YAF2: variants seen among roughly 807,000 people sequenced by gnomAD.
The protein encoded by YAF2 is YY1-associated factor 2.
YAF2 carries 7 observed loss-of-function variants against 20.1 expected under a neutral mutation model. The observed-to-expected ratio is 0.35, with a 90% CI of 0.20 to 0.65. The LOEUF (loss-of-function observed/expected upper bound fraction) is 0.65, where lower values mean the gene tolerates loss of function less well. Among genes scored for constraint, YAF2 ranks in the 30% least tolerant of loss-of-function variants. YAF2 has a pLI of 0.69. For missense variants in YAF2, 151 were observed against 219.2 expected (o/e 0.69, Z 1.96); for synonymous variants, 74 against 76.0 (o/e 0.97, Z 0.14).
At chr12:42,220,622 T>A (rs1441183829) in intron 2 of YAF2, among the ~76,000 whole-genome samples, 1 of 152,136 alleles carries the variant, frequency 6.6e-6, no homozygotes, top group Non-Finnish European at 1.5e-5. Context: ...ACCAAGAGCT[T>A]TACCTGTTGA....
Position 42,159,557 on chromosome 12 carries a change from A to T in YAF2, c.*1032T>A, listed in dbSNP as rs2065760281. 2.0e-5 allele frequency: 3 copies of T among 152,062 alleles called. No individual in the cohort carries two copies. Among genetic ancestry groups the T allele is most frequent in the Admixed American group, 2.0e-4 (3 of 15,264 alleles). 9.4% of individuals were successfully genotyped at this position (152,062 alleles called of 1,614,324 possible). A position where few individuals can be genotyped will look rare whatever the true frequency, so the allele number is the denominator to read the frequency against. ...TGGCAGCTGTGTCTGAAAATAGGGT[A>T]CTATGATTTTCATAAGAATTATTGT... is the stretch of plus-strand genomic sequence containing the variant. On this transcript the variant is annotated 3_prime_UTR_variant, in exon 4 of 4. Coordinates refer to ENST00000534854, the MANE Select transcript of YAF2 (RefSeq NM_005748.6).
chr12:42,188,941 G>A (rs1432249527), intron 2 of YAF2, among the ~76,000 whole-genome samples: 4 of 152,100 alleles, frequency 2.6e-5, no homozygotes, highest in African/African-American at 4.8e-5. Context: ...GACTCAGAAC[G>A]TAGTATACTT....
intron 2 of YAF2, chr12:42,210,401 C>T: frequency 1.3e-6 from 2 of 1,532,956 alleles, no homozygotes; most frequent in Non-Finnish European, 1.7e-6. Context: ...ACAGATCCAC[C>T]TCTCTTGCCC....
chr12:42,225,212 G>A (rs1031141876), intron 2 of YAF2, among the ~76,000 whole-genome samples: 3 of 152,016 alleles, frequency 2.0e-5, no homozygotes, highest in East Asian at 1.9e-4. Context: ...TTTTGATGGG[G>A]TTGTTTTTTT....
intron 2 of YAF2, among the ~76,000 whole-genome samples, chr12:42,194,039 T>A (rs1005597317): frequency 6.6e-6 from 1 of 152,212 alleles, no homozygotes; most frequent in African/African-American, 2.4e-5. Flanking sequence ...AGAAAATACC[T>A]GTATTTTTGT....
At position 42,159,909 on chromosome 12, in the gene YAF2, A is replaced by T. The variant is rs1054269469; in HGVS notation, c.*680T>A. 1.3e-5 allele frequency: 2 copies of T among 152,590 alleles called. No individual in the cohort carries two copies. Among genetic ancestry groups the T allele is most frequent in the Admixed American group, 1.3e-4 (2 of 15,274 alleles). 9.5% of individuals were successfully genotyped at this position (152,590 alleles called of 1,614,324 possible). ...CTAAATAATCAATGTTTTATTGTTT[A>T]CTAGTCCGCTAGTAAACATTACAAT... On this transcript the variant is annotated 3_prime_UTR_variant, in exon 4 of 4. Transcript: ENST00000534854.
At chr12:42,215,425 G>GA (rs927725639) in intron 2 of YAF2, among the ~76,000 whole-genome samples, 8 of 151,646 alleles carry the variant, frequency 5.3e-5, no homozygotes, top group Middle Eastern at 3.4e-3. Flanking sequence ...ATTAAAAAAA[G>GA]AAAAAAAACT....
intron 2 of YAF2, among the ~76,000 whole-genome samples, chr12:42,166,381 T>C (rs961193376): frequency 1.3e-5 from 2 of 152,218 alleles, no homozygotes; most frequent in Non-Finnish European, 2.9e-5. Context: ...GAGGTACACA[T>C]ACCTACCTTT....
At chr12:42,219,927 A>G (rs2067466749) in intron 2 of YAF2, among the ~76,000 whole-genome samples, 1 of 152,162 alleles carries the variant, frequency 6.6e-6, no homozygotes, top group African/African-American at 2.4e-5. Flanking sequence ...ACACATCTCC[A>G]CATGATCTAT....
intron 2 of YAF2, among the ~76,000 whole-genome samples, chr12:42,172,525 C>A (rs1294969057): frequency 2.6e-5 from 4 of 152,056 alleles, no homozygotes; most frequent in Admixed American, 2.6e-4. Flanking sequence ...GCGACTAGGG[C>A]AGGGGCTACA....
At chr12:42,221,304 G>A (rs989647467) in intron 2 of YAF2, among the ~76,000 whole-genome samples, 5 of 152,130 alleles carry the variant, frequency 3.3e-5, no homozygotes, top group East Asian at 1.9e-4. Flanking sequence ...TAGGCATGGT[G>A]GCTCACACCT....
intron 2 of YAF2, among the ~76,000 whole-genome samples, chr12:42,175,180 A>C (rs1029427253): frequency 6.6e-6 from 1 of 152,246 alleles, no homozygotes; most frequent in Admixed American, 6.5e-5. Context: ...ATACAATGGA[A>C]TACTACTCAG....
At position 42,238,213 on chromosome 12, in the gene YAF2, G is replaced by A; in HGVS notation, c.-33C>T. On this transcript the variant is annotated 5_prime_UTR_variant, in exon 1 of 4. Transcript: ENST00000534854. The stretch of plus-strand genomic sequence containing the variant: ...CTATCACCGCACGCCGAGAGTCGCC[G>A]CCGCGACCGCTCTGTTTGTCAATAA... 1 of 1,384,402 alleles carries A rather than the reference G, an allele frequency of 7.2e-7. No individual in the cohort carries two copies. The highest frequency in any genetic ancestry group is 9.5e-7 in the Non-Finnish European group (1 of 1,047,742). The allele number at this position is 1,384,402 out of a possible 1,614,324, so 85.8% of individuals were successfully genotyped here.
chr12:42,213,168 G>A (rs951426810), intron 2 of YAF2, among the ~76,000 whole-genome samples: 1 of 152,234 alleles, frequency 6.6e-6, no homozygotes, highest in Non-Finnish European at 1.5e-5. Flanking sequence ...AAGCTGTTAT[G>A]TTCTGAGCCT....
intron 2 of YAF2, among the ~76,000 whole-genome samples, chr12:42,173,868 AAG>A (rs1201821490): frequency 1.3e-5 from 2 of 152,168 alleles, no homozygotes; most frequent in Non-Finnish European, 2.9e-5. Flanking sequence ...TCACAGAGAA[AAG>A]AGAAGCTATT....
At chr12:42,199,291 T>C (rs1358886377) in intron 2 of YAF2, 1 of 1,002,994 alleles carries the variant, frequency 1.0e-6, no homozygotes, top group African/African-American at 1.7e-5. Context: ...GGAACAGAAT[T>C]TGACCAATAG....
rs1006493001 is a variant in YAF2 at position 42,233,946 on chromosome 12, G to A, written c.152+3653C>T. 37 of 974,716 alleles carry A rather than the reference G, an allele frequency of 3.8e-5. No homozygotes were observed. In the African/African-American group the frequency reaches 3.9e-4, roughly 10 times the overall value. 60.4% of individuals were successfully genotyped at this position (974,716 alleles called of 1,614,324 possible). ...AGCACTTTGGGAAGCCGACGCAGAC[G>A]GATCACCTGAGGTCAGGAGTTTGAG... On this transcript the variant is annotated intron_variant, in intron 2 of 3. Transcript: ENST00000534854.
intron 2 of YAF2, chr12:42,234,809 G>C (rs993754210): frequency 1.3e-6 from 1 of 794,820 alleles, no homozygotes; most frequent in Non-Finnish European, 1.5e-6. Context: ...GCAACATAGA[G>C]ATCCCCCATC....
chr12:42,224,960 C>G lies in YAF2; in HGVS notation c.152+12639G>C, dbSNP rs1265931322. Among the ~76,000 whole-genome samples the G allele has an allele frequency of 2.6e-5, 4 of 152,168 alleles. No individual in the cohort carries two copies. The East Asian group carries it at 7.7e-4, about 29-fold the overall frequency. ...CCCTGAGGAATCACCACACTGTCTT[C>G]CACAATGGTTGAACTAATTTACACT... On this transcript the variant is annotated intron_variant, in intron 2 of 3. Coordinates refer to ENST00000534854, the MANE Select transcript of YAF2 (RefSeq NM_005748.6).
Sources: gnomAD v4.1 joint callset for allele counts (sites outside exome capture counted in the v4.1 genomes callset) on GRCh38, gnomAD v4.1.1 for gene constraint, MANE v1.5 for transcripts, NCBI Gene and HGNC (gene_info 2026-07-23, HGNC 2026-07-21) for gene names.